Variants in HERC1 observed in about 807,000 individuals in gnomAD.
The protein encoded by HERC1 is probable E3 ubiquitin-protein ligase HERC1.
In HERC1, 160 loss-of-function variants were observed where a neutral mutation model predicts 554.3. That is an observed-to-expected ratio of 0.29 (90% confidence interval 0.25 to 0.33). The LOEUF (loss-of-function observed/expected upper bound fraction) is 0.33. HERC1 is among the 10% of genes least tolerant of loss of function. The pLI is 1.00. For synonymous variants in HERC1, 2,175 were observed against 2,131.7 expected (o/e 1.02, Z -0.56); for missense variants, 4,919 against 5,918.5 (o/e 0.83, Z 5.54).
chr15:63,612,661 C>A lies in HERC1; in HGVS notation c.14095-105G>T. 1.9e-6 allele frequency: 2 copies of A among 1,076,504 alleles called. No homozygotes were observed. The highest frequency in any genetic ancestry group is 2.6e-6 in the Non-Finnish European group (2 of 758,392). 66.7% of individuals were successfully genotyped at this position (1,076,504 alleles called of 1,614,324 possible). A position where few individuals can be genotyped will look rare whatever the true frequency, so the allele number is the denominator to read the frequency against. ...TCCTGATGCCTGCTCGTCCGCTCCC[C>A]AGACCCTCTACTTGTTTCTCAGACC... On this transcript the variant is annotated intron_variant, in intron 76 of 77. Coordinates refer to ENST00000443617, the MANE Select transcript of HERC1 (RefSeq NM_003922.4). This position sits in a 1 kb window ranked among gnomAD's most constrained non-coding sequence, Gnocchi z 5.0.
At chr15:63,826,800 AAAAAAAAAAAAAAAATATATATATAT>A (rs1473113635) in intron 1 of HERC1, among the ~76,000 whole-genome samples, 3 of 54,674 alleles carry the variant, frequency 5.5e-5, no homozygotes, top group Non-Finnish European at 8.1e-5. Context: ...AAAAAAAAAA[AAAAAAAAAAAAAAAATATATATATAT>A]ATATATATAT....
At chr15:63,644,533 CA>C (rs1457436826) in intron 57 of HERC1, among the ~76,000 whole-genome samples, 2 of 152,040 alleles carry the variant, frequency 1.3e-5, no homozygotes, top group Non-Finnish European at 2.9e-5. Flanking sequence ...TTACCCTCTC[CA>C]AACCTTCTAA....
At chr15:63,781,770 G>A (rs1213276553) in intron 1 of HERC1, among the ~76,000 whole-genome samples, 2 of 152,156 alleles carry the variant, frequency 1.3e-5, no homozygotes, top group African/African-American at 2.4e-5. Flanking sequence ...AGCCTCTTGC[G>A]CCAGTTAGCC....
rs781551981 is a variant in HERC1 at position 63,654,257 on chromosome 15, C to T, written c.10152G>A (p.Arg3384=). The T allele has an allele frequency of 1.2e-6, 2 of 1,613,986 alleles. No homozygotes were observed. Among genetic ancestry groups the T allele is most frequent in the East Asian group, 2.2e-5 (1 of 44,862 alleles). The change falls in exon 51 of 78, where the codon CGG becomes CGA. Residue 3384 remains arginine (R), a synonymous_variant. Coordinates refer to ENST00000443617, the MANE Select transcript of HERC1 (RefSeq NM_003922.4). ...GCACGAGTTGCTGAGCTGCCCATTGCCGATGCTGTGAGGACAGCCTGGAGG... is the reference window on the plus strand; with the variant it reads ...GCACGAGTTGCTGAGCTGCCCATTGTCGATGCTGTGAGGACAGCCTGGAGG... ...CLSSRLSSQH[R]QWAAQQLVRT...
chr15:63,732,882 A>G, intron 14 of HERC1, 42 bp downstream of exon 14: 1 of 1,269,834 alleles, frequency 7.9e-7, no homozygotes, highest in Non-Finnish European at 1.1e-6. Flanking sequence ...AGAGATCCCT[A>G]CCCCTTTATT....
intron 1 of HERC1, among the ~76,000 whole-genome samples, chr15:63,787,458 A>G (rs2076494630): frequency 6.6e-6 from 1 of 152,176 alleles, no homozygotes; most frequent in South Asian, 2.1e-4. Flanking sequence ...CGGCTGACCA[A>G]TAAATTATTT....
rs150270591 is a variant in HERC1 at position 63,827,547 on chromosome 15, A to T, written c.-27+6280T>A. On this transcript the variant is annotated intron_variant, in intron 1 of 77. Transcript: ENST00000443617. ...TGCAAAAGAGTATAGTATACTCTCCACATAAAAAAGAAGGGAACAGGAAAA... is the reference window on the plus strand; with the variant it reads ...TGCAAAAGAGTATAGTATACTCTCCTCATAAAAAAGAAGGGAACAGGAAAA... Among the ~76,000 whole-genome samples the T allele has an allele frequency of 3.9e-5, 6 of 152,268 alleles. No homozygotes were observed. In the East Asian group the frequency reaches 1.2e-3, roughly 29 times the overall value.
intron 2 of HERC1, among the ~76,000 whole-genome samples, chr15:63,765,926 C>A (rs1429546030): frequency 6.6e-6 from 1 of 152,000 alleles, no homozygotes; most frequent in Non-Finnish European, 1.5e-5. Context: ...GCTTTCTAAA[C>A]TGATAGAGAA....
chr15:63,801,033 CAGGGTTCAGAAAGCTTTCAGGTTGG>C (rs2076967998), intron 1 of HERC1, among the ~76,000 whole-genome samples: 1 of 152,194 alleles, frequency 6.6e-6, no homozygotes, highest in African/African-American at 2.4e-5. Context: ...AACCCCTAGA[CAGGGTTCAGAAAGCTTTCAGGTTGG>C]TGAACACATC....
intron 1 of HERC1, among the ~76,000 whole-genome samples, chr15:63,796,459 T>C (rs2076815790): frequency 6.6e-6 from 1 of 152,222 alleles, no homozygotes; most frequent in African/African-American, 2.4e-5. Context: ...GTTAAGTCCA[T>C]TTCGCTTCTA....
In HERC1 at chr15:63,694,714, A is replaced by G. The variant is rs2072303658; in HGVS notation, c.5242+60T>C. On this transcript the variant is annotated intron_variant, in intron 28 of 77. Transcript: ENST00000443617. This position sits in a 1 kb window ranked among gnomAD's most constrained non-coding sequence, Gnocchi z 4.3. ...ACACAAAATATAGAACATAACTAGT[A>G]CCATAACCTCGGGCTAAAATGTAAC... is the stretch of plus-strand genomic sequence containing the variant. 1 of 1,604,652 alleles carries G rather than the reference A, an allele frequency of 6.2e-7. No homozygotes were observed. Among genetic ancestry groups the G allele is most frequent in the South Asian group, 1.1e-5 (1 of 90,870 alleles).
Position 63,651,328 on chromosome 15 carries a change from G to C in HERC1, c.10471C>G (p.Pro3491Ala). The C allele has an allele frequency of 6.2e-7, 1 of 1,613,776 alleles. No homozygotes were observed. The highest frequency in any genetic ancestry group is 8.5e-7 in the Non-Finnish European group (1 of 1,179,674). ...TTGCCACTGATACTCCAGGAAACTG[G>C]TGAGAAACTTGGATCACTGGGTGAT... ...LGSPSDPSFS[P>A]VSWSISGKYL... The change falls in exon 53 of 78, where the codon CCA becomes GCA. Residue 3491 changes from proline to alanine, a missense_variant. Around this residue, in one of 11 missense-constraint regions of HERC1, gnomAD observed 1,963 missense variants for 2,228.6 expected, o/e 0.88. Transcript: ENST00000443617.
intron 12 of HERC1, among the ~76,000 whole-genome samples, chr15:63,739,863 T>C (rs1458012218): frequency 6.6e-6 from 1 of 151,398 alleles, no homozygotes; most frequent in Non-Finnish European, 1.5e-5. Flanking sequence ...AATAAATAAA[T>C]GGACTTACAC....
chr15:63,659,020 A>G (rs76864518), intron 47 of HERC1, among the ~76,000 whole-genome samples: 1 of 152,194 alleles, frequency 6.6e-6, no homozygotes, highest in Non-Finnish European at 1.5e-5. Flanking sequence ...TCTACTGATT[A>G]TAAGTGCTTT....
Position 63,747,459 on chromosome 15 carries a change from T to TA in HERC1, c.2354+264dup, listed in dbSNP as rs879769950. On this transcript the variant is annotated intron_variant, in intron 11 of 77. Coordinates refer to ENST00000443617, the MANE Select transcript of HERC1 (RefSeq NM_003922.4). Reference sequence around the variant, plus strand: ...TGGGCGACAGAGCAAGACACCATCTTAAAAAAAAAAAAATTTTGTCAAGTC... The same window carrying TA: ...TGGGCGACAGAGCAAGACACCATCTTAAAAAAAAAAAAAATTTTGTCAAGTC... Among the ~76,000 whole-genome samples the TA allele has an allele frequency of 2.4e-3, 346 of 145,300 alleles. 1 individual carries two copies. Among genetic ancestry groups the TA allele is most frequent in the African/African-American group, 6.9e-3 (275 of 39,804 alleles).
At chr15:63,648,984 C>T (rs1400926359) in intron 54 of HERC1, among the ~76,000 whole-genome samples, 1 of 152,204 alleles carries the variant, frequency 6.6e-6, no homozygotes, top group Non-Finnish European at 1.5e-5. Context: ...AGCAGACTTC[C>T]TAATCTCTCT....
intron 14 of HERC1, among the ~76,000 whole-genome samples, chr15:63,732,526 C>G (rs1468131298): frequency 6.6e-6 from 1 of 152,140 alleles, no homozygotes; most frequent in Non-Finnish European, 1.5e-5. Context: ...TAATGGCATA[C>G]TAATACAGGG....
intron 37 of HERC1, among the ~76,000 whole-genome samples, chr15:63,675,383 C>A (rs1351615643): frequency 1.3e-5 from 2 of 152,152 alleles, no homozygotes; most frequent in Non-Finnish European, 2.9e-5. Flanking sequence ...AGTTAGCAAA[C>A]TTTCTGTAAG....
chr15:63,746,876 G>C, intron 12 of HERC1, 42 bp downstream of exon 12: 1 of 1,502,184 alleles, frequency 6.7e-7, no homozygotes, highest in Non-Finnish European at 9.1e-7. Flanking sequence ...CTCAGAGAAA[G>C]ACGTGGTTTG....
Sources: gnomAD v4.1 joint callset for allele counts (sites outside exome capture counted in the v4.1 genomes callset) on GRCh38, gnomAD v4.1.1 for gene constraint, gnomAD v4.1.1 regional missense constraint, Gnocchi (gnomAD v3.1) non-coding constraint, MANE v1.5 for transcripts, NCBI Gene and HGNC (gene_info 2026-07-23, HGNC 2026-07-21) for gene names.